Variants in LRIF1 observed in about 807,000 individuals in gnomAD.
LRIF1 encodes the protein ligand-dependent nuclear receptor-interacting factor 1.
Under a neutral mutation model 52.7 loss-of-function variants are expected in LRIF1, and 32 were observed. The observed-to-expected ratio is 0.61, with a 90% CI of 0.46 to 0.82. The LOEUF is 0.82. Ranked by LOEUF, LRIF1 falls within the 40% of genes least tolerant of loss-of-function variation. The pLI, the probability that LRIF1 is intolerant of heterozygous loss-of-function variation, is 0.00. For synonymous variants in LRIF1, 323 were observed against 317.4 expected (o/e 1.02, Z -0.19); for missense variants, 887 against 892.0 (o/e 0.99, Z 0.07).
At chr1:110,884,913 A>G in the LRIF1 span, among the ~76,000 whole-genome samples, 4 of 152,218 alleles carry the variant, frequency 2.6e-5, no homozygotes, top group East Asian at 7.7e-4. Context: ...TTCCTGCTTC[A>G]TATTTTAAGT....
chr1:110,919,529 T>C, the LRIF1 span, among the ~76,000 whole-genome samples: 1 of 152,186 alleles, frequency 6.6e-6, no homozygotes, highest in Non-Finnish European at 1.5e-5. Context: ...AACTCCCCTT[T>C]ATATCTATCT....
chr1:110,941,923 A>G, the LRIF1 span: 1 of 152,098 alleles, frequency 6.6e-6, no homozygotes, highest in African/African-American at 2.4e-5. Flanking sequence ...AAATGAGCAG[A>G]TAACTATTTA....
the LRIF1 span, among the ~76,000 whole-genome samples, chr1:110,931,147 C>T: frequency 1.3e-5 from 2 of 152,158 alleles, no homozygotes; most frequent in Non-Finnish European, 2.9e-5. Flanking sequence ...CCCCCAACCC[C>T]TGACAGGCCC....
chr1:110,903,876 C>T, the LRIF1 span, among the ~76,000 whole-genome samples: 1 of 151,370 alleles, frequency 6.6e-6, no homozygotes, highest in African/African-American at 2.4e-5. Flanking sequence ...CTGGACCTGC[C>T]CTGGGCCAGA....
chr1:110,932,691 G>T, the LRIF1 span, among the ~76,000 whole-genome samples: 2 of 152,126 alleles, frequency 1.3e-5, no homozygotes, highest in Non-Finnish European at 2.9e-5. Flanking sequence ...CTACAAAGCT[G>T]CTATCTTTCT....
chr1:110,877,960 A>G, the LRIF1 span, among the ~76,000 whole-genome samples: 1 of 152,202 alleles, frequency 6.6e-6, no homozygotes, highest in Non-Finnish European at 1.5e-5. Context: ...TGCTCAACAC[A>G]TTGCACCAAA....
At chr1:110,889,212 G>A in the LRIF1 span, among the ~76,000 whole-genome samples, 1 of 152,012 alleles carries the variant, frequency 6.6e-6, no homozygotes, top group Non-Finnish European at 1.5e-5. Flanking sequence ...TAAAGGGCTG[G>A]GAAACACTCA....
the LRIF1 span, among the ~76,000 whole-genome samples, chr1:110,882,871 T>C: frequency 1.3e-5 from 2 of 152,090 alleles, no homozygotes; most frequent in Non-Finnish European, 2.9e-5. Context: ...TGGTTACTAG[T>C]GCATAGAATG....
chr1:110,951,475 T>G lies in LRIF1; in HGVS notation c.1409A>C (p.Lys470Thr), dbSNP rs1658472723. ...AAAGATTGGATTTGTGAATAAAGTC[T>G]TACTCTGTTTTAAGTAGTTACTGGA... The part of the protein sequence containing the change: ...NQSSNYLKQS[K>T]TLFTNPIFPV... Residue 470 changes from lysine to threonine, a missense_variant, in exon 2 of 4, where the codon AAG (lysine) becomes ACG (threonine). Physicochemically the swap from Lys to Thr is moderately conservative, Grantham distance 78 (BLOSUM62 -1). Transcript: ENST00000369763. The G allele has an allele frequency of 6.2e-7, 1 of 1,614,040 alleles. No homozygotes were observed. The highest frequency in any genetic ancestry group is 1.7e-5 in the Admixed American group (1 of 59,996).
the LRIF1 span, chr1:110,894,923 T>C: frequency 6.5e-7 from 1 of 1,528,892 alleles, no homozygotes; most frequent in Admixed American, 1.7e-5. Flanking sequence ...TCACCTGCTT[T>C]TTACCATGTC....
At chr1:110,899,622 G>A in the LRIF1 span, 27 of 172,622 alleles carry the variant, frequency 1.6e-4, no homozygotes, top group Admixed American at 9.5e-4. Flanking sequence ...TCTGGGGCCA[G>A]GCTCACTGGA....
chr1:110,942,735 T>G (rs1176800022), downstream of LRIF1, among the ~76,000 whole-genome samples: 1 of 152,140 alleles, frequency 6.6e-6, no homozygotes, highest in Non-Finnish European at 1.5e-5. Flanking sequence ...GAATTTATCA[T>G]TAACTAAGAT....
At chr1:110,958,469 T>A (rs76826749) in intron 1 of LRIF1, among the ~76,000 whole-genome samples, 2 of 87,474 alleles carry the variant, frequency 2.3e-5, no homozygotes, top group African/African-American at 8.6e-5. Context: ...AAATGAGTAT[T>A]GTTTCATTCA....
the LRIF1 span, among the ~76,000 whole-genome samples, chr1:110,887,809 G>A: frequency 1.2e-4 from 18 of 152,272 alleles, no homozygotes; most frequent in African/African-American, 4.1e-4. Context: ...GTACATGCAG[G>A]TGCTAATCAG....
the LRIF1 span, among the ~76,000 whole-genome samples, chr1:110,877,748 C>T: frequency 6.6e-6 from 1 of 152,102 alleles, no homozygotes; most frequent in Non-Finnish European, 1.5e-5. Context: ...ACAGATATTC[C>T]TTGATTAGTT....
At chr1:110,878,714 AT>A in the LRIF1 span, among the ~76,000 whole-genome samples, 1 of 152,314 alleles carries the variant, frequency 6.6e-6, no homozygotes, top group South Asian at 2.1e-4. Flanking sequence ...AAACACTTCC[AT>A]TCACTGAAAG....
chr1:110,942,884 A>G (rs2101097478), downstream of LRIF1, among the ~76,000 whole-genome samples: 1 of 152,252 alleles, frequency 6.6e-6, no homozygotes, highest in South Asian at 2.1e-4. Flanking sequence ...TTTGGAGTCA[A>G]AAGAGGAGTT....
At chr1:110,939,650 G>C in the LRIF1 span, 1 of 152,072 alleles carries the variant, frequency 6.6e-6, no homozygotes, top group African/African-American at 2.4e-5. Flanking sequence ...CAGACCCATG[G>C]AACAGAACAG....
chr1:110,950,276 A>G (rs147304316), intron 2 of LRIF1, among the ~76,000 whole-genome samples, 153 bp from the exon 3 acceptor site: 175 of 152,310 alleles, frequency 1.1e-3, no homozygotes, highest in African/African-American at 4.0e-3. Flanking sequence ...CACACTCAAA[A>G]AACTGAATAT....
Sources: allele counts gnomAD v4.1 joint callset (sites outside exome capture counted in the v4.1 genomes callset), GRCh38; gene constraint gnomAD v4.1.1; transcripts MANE v1.5; gene names NCBI Gene and HGNC (gene_info 2026-07-23, HGNC 2026-07-21).